SLC2A1: variants seen among roughly 807,000 people sequenced by gnomAD.
SLC2A1 encodes the protein solute carrier family 2 member 1.
SLC2A1 carries 4 observed loss-of-function variants against 46.6 expected under a neutral mutation model. That is an observed-to-expected ratio of 0.09 (90% CI 0.04 to 0.20). The LOEUF (loss-of-function observed/expected upper bound fraction) is 0.20, where lower values mean the gene tolerates loss of function less well. Among genes scored for constraint, SLC2A1 ranks in the 10% least tolerant of loss-of-function variants. The pLI is 1.00. For missense variants in SLC2A1, 352 were observed against 667.0 expected (o/e 0.53, Z 5.20); for synonymous variants, 253 against 270.0 (o/e 0.94, Z 0.62).
chr1:42,941,387 C>T (rs1643596395), intron 2 of SLC2A1, among the ~76,000 whole-genome samples: 1 of 152,180 alleles, frequency 6.6e-6, no homozygotes, highest in African/African-American at 2.4e-5. Flanking sequence ...CTCCTGTTCA[C>T]TCTAGTGACA....
intron 1 of SLC2A1, among the ~76,000 whole-genome samples, chr1:42,949,942 G>C (rs1233782965): frequency 5.3e-5 from 8 of 152,114 alleles, no homozygotes; most frequent in Non-Finnish European, 7.3e-5. Context: ...GTTTCTACCT[G>C]GTGCTTTCTA....
intron 1 of SLC2A1, among the ~76,000 whole-genome samples, chr1:42,947,625 C>A (rs187706305): frequency 7.6e-4 from 111 of 145,252 alleles, no homozygotes; most frequent in African/African-American, 2.7e-3. Flanking sequence ...TATGGTGGCA[C>A]ACATCTGTAT....
At chr1:42,952,110 C>T (rs12407920) in intron 1 of SLC2A1, 48,346 of 498,752 alleles carry the variant, frequency 0.097, 2,722 homozygotes, top group Admixed American at 0.17. Context: ...TGCACTAGGA[C>T]ACTGCATTCA....
chr1:42,953,919 A>T (rs1643748611), intron 1 of SLC2A1, among the ~76,000 whole-genome samples: 1 of 152,198 alleles, frequency 6.6e-6, no homozygotes, highest in Non-Finnish European at 1.5e-5. Context: ...TCCACTTAAA[A>T]TAGCCACTTC....
At chr1:42,946,041 T>C (rs1371483434) in intron 1 of SLC2A1, among the ~76,000 whole-genome samples, 1 of 152,206 alleles carries the variant, frequency 6.6e-6, no homozygotes, top group Non-Finnish European at 1.5e-5. Flanking sequence ...TGAATGACAC[T>C]GGCTATGTGA....
At chr1:42,958,502 G>A (rs1487069821) in intron 1 of SLC2A1, 132 bp downstream of exon 1, 7 of 591,506 alleles carry the variant, frequency 1.2e-5, no homozygotes, top group African/African-American at 9.9e-5. Flanking sequence ...ACCGAGCCAG[G>A]CTCGGAGAGG....
At chr1:42,957,722 A>C (rs1643790765) in intron 1 of SLC2A1, among the ~76,000 whole-genome samples, 2 of 152,182 alleles carry the variant, frequency 1.3e-5, no homozygotes, top group African/African-American at 2.4e-5. Context: ...GGACAAGCCC[A>C]CTTACACAGA....
intron 1 of SLC2A1, among the ~76,000 whole-genome samples, chr1:42,953,159 A>C (rs1190722095): frequency 6.6e-6 from 1 of 152,224 alleles, no homozygotes; most frequent in Non-Finnish European, 1.5e-5. Context: ...TCAGTAGCCA[A>C]AGGCTCCATC....
rs781391853 is a variant in SLC2A1, at chr1:42,930,614, G to A, written c.516+12C>T. 52 of 1,612,140 alleles carry A rather than the reference G, an allele frequency of 3.2e-5. No individual in the cohort carries two copies. The South Asian group carries it at 5.3e-4, about 16-fold the overall frequency. ...GGGCCGTGCCAGGCAGGTAGATCCT[G>A]CCCCAGCTTACCTGGGCGATGAGGA... On this transcript the variant is annotated intron_variant, in intron 4 of 9. Transcript: ENST00000426263. The surrounding 1 kb of genome is among the most constrained non-coding windows in gnomAD (Gnocchi z 6.2).
intron 1 of SLC2A1, among the ~76,000 whole-genome samples, chr1:42,950,603 G>A (rs1643710494): frequency 1.3e-5 from 2 of 152,152 alleles, no homozygotes; most frequent in Non-Finnish European, 2.9e-5. Context: ...TGGTAAGATT[G>A]GGCACATGCA....
intron 1 of SLC2A1, among the ~76,000 whole-genome samples, chr1:42,945,551 C>T (rs1643644891): frequency 1.3e-5 from 2 of 151,930 alleles, no homozygotes; most frequent in South Asian, 4.1e-4. Flanking sequence ...AGTTCGAGAC[C>T]AGCCTGGCCA....
chr1:42,935,748 C>T lies in SLC2A1; in HGVS notation c.115-4542G>A, dbSNP rs148066750. On this transcript the variant is annotated intron_variant, in intron 2 of 9. Transcript: ENST00000426263. The stretch of plus-strand genomic sequence containing the variant: ...GAGGTGCCAGGGCCAGACTCCAGCT[C>T]AGGGGAAGGAAGAGCTTTATAGACT... Among the ~76,000 whole-genome samples, 139 of 152,284 alleles carry T rather than the reference C, an allele frequency of 9.1e-4. 2 individuals are homozygous for T. In the East Asian group the frequency reaches 0.022, roughly 25 times the overall value.
chr1:42,931,081 G>A lies in SLC2A1; in HGVS notation c.240C>T (p.Ser80=). 6.2e-7 allele frequency: 1 copy of A among 1,614,200 alleles called. No individual in the cohort carries two copies. Among genetic ancestry groups the A allele is most frequent in the Non-Finnish European group, 8.5e-7 (1 of 1,180,036 alleles). ...GGTTAACGAAAAGGCCCACAGAGAA[G>A]GAGCCAATCATGCCCCCAACAGAAA... The part of the protein sequence containing the change: ...AIFSVGGMIG[S]FSVGLFVNRF... Residue 80 remains serine (S), a synonymous_variant, in exon 3 of 10, where the codon TCC becomes TCT. Transcript: ENST00000426263.
At chr1:42,957,201 C>T (rs1643785279) in intron 1 of SLC2A1, among the ~76,000 whole-genome samples, 1 of 152,232 alleles carries the variant, frequency 6.6e-6, no homozygotes, top group South Asian at 2.1e-4. Context: ...TTGCCACTAG[C>T]TAGAAGAGCT....
intron 1 of SLC2A1, among the ~76,000 whole-genome samples, chr1:42,946,991 C>A (rs3768037): frequency 0.15 from 22,073 of 152,120 alleles, 1,804 homozygotes; most frequent in South Asian, 0.19. Flanking sequence ...GTTGCTGTTA[C>A]GTTTTCTATC....
chr1:42,951,974 AGAGTACCC>A, intron 1 of SLC2A1: 2 of 406,060 alleles, frequency 4.9e-6, no homozygotes, highest in Non-Finnish European at 8.7e-6. Context: ...CCTTAGACGC[AGAGTACCC>A]TAGATGGGAG....
At chr1:42,952,485 C>A in intron 1 of SLC2A1, 1 of 442,510 alleles carries the variant, frequency 2.3e-6, no homozygotes, top group South Asian at 1.6e-5. Context: ...CGCTGGGACA[C>A]TGGACTTCAG....
In SLC2A1 at chr1:42,927,822, C is replaced by T. The variant is rs777450540; in HGVS notation, c.1075-14G>A. On this transcript the variant is annotated splice_polypyrimidine_tract_variant and intron_variant, in intron 8 of 9. Coordinates refer to ENST00000426263, the MANE Select transcript of SLC2A1 (RefSeq NM_006516.4). This position sits in a 1 kb window ranked among gnomAD's most constrained non-coding sequence, Gnocchi z 5.3. ...GGGTAGCTGCTCCTGTTGAGGATGA[C>T]GGAGAGGGGGAAAAGTTAGACTGGG... 2.9e-5 allele frequency: 46 copies of T among 1,600,482 alleles called. No homozygotes were observed. The highest frequency in any genetic ancestry group is 1.1e-4 in the East Asian group (5 of 44,652).
chr1:42,935,070 T>C, intron 2 of SLC2A1, among the ~76,000 whole-genome samples: 1 of 152,078 alleles, frequency 6.6e-6, no homozygotes, highest in Non-Finnish European at 1.5e-5. Flanking sequence ...CTGTGGAGTC[T>C]GGGTGGCGGC....
Sources: allele counts gnomAD v4.1 joint callset (sites outside exome capture counted in the v4.1 genomes callset), GRCh38; gene constraint gnomAD v4.1.1; non-coding constraint Gnocchi (gnomAD v3.1); transcripts MANE v1.5; gene names NCBI Gene and HGNC (gene_info 2026-07-23, HGNC 2026-07-21).